RBM28: variants seen among roughly 807,000 people sequenced by gnomAD.
RBM28 encodes the protein RNA-binding protein 28.
RBM28 carries 78 observed loss-of-function variants against 98.3 expected under a neutral mutation model. The observed-to-expected ratio is 0.79, with a 90% CI of 0.66 to 0.96. The LOEUF (loss-of-function observed/expected upper bound fraction) is 0.96. Among genes scored for constraint, RBM28 ranks in the 40% least tolerant of loss-of-function variants. RBM28 has a pLI of 0.00. For synonymous variants in RBM28, 306 were observed against 330.9 expected, an observed-to-expected ratio of 0.92 and a Z score of 0.82; for missense variants, 838 against 913.0, an observed-to-expected ratio of 0.92 and a Z score of 1.06.
At chr7:128,336,230 C>G (rs984604214) in intron 6 of RBM28, among the ~76,000 whole-genome samples, 188 bp from the exon 7 acceptor site, 1 of 152,154 alleles carries the variant, frequency 6.6e-6, no homozygotes, top group Non-Finnish European at 1.5e-5. Context: ...AAACAAAACT[C>G]TCAACACCCA....
At position 128,298,527 on chromosome 7, in the gene RBM28, C is replaced by T. The variant is rs1341896861; in HGVS notation, c.*12270G>A. 1 of 151,920 alleles carries T rather than the reference C, an allele frequency of 6.6e-6. No homozygotes were observed. Among genetic ancestry groups the T allele is most frequent in the Non-Finnish European group, 1.5e-5 (1 of 68,002 alleles). The allele number at this position is 151,920 out of a possible 1,614,324, so 9.4% of individuals were successfully genotyped here. On this transcript the variant is annotated 3_prime_UTR_variant, in exon 19 of 19. Transcript: ENST00000223073. ...TATTTTTCAGATTCTCTTTACTGAGCATATATTATTTTTACAATCAGAAAA... is the reference window on the plus strand; with the variant it reads ...TATTTTTCAGATTCTCTTTACTGAGTATATATTATTTTTACAATCAGAAAA...
chr7:128,332,976 C>T (rs1295702085), intron 9 of RBM28, among the ~76,000 whole-genome samples: 2 of 152,222 alleles, frequency 1.3e-5, no homozygotes, highest in African/African-American at 4.8e-5. Flanking sequence ...TCAATCCTCT[C>T]CAGCACTCCC....
In RBM28 at chr7:128,300,272, A is replaced by C. The variant is rs1204417063; in HGVS notation, c.*10525T>G. 7 of 152,252 alleles carry C rather than the reference A, an allele frequency of 4.6e-5. No homozygotes were observed. The highest frequency in any genetic ancestry group is 1.0e-4 in the Non-Finnish European group (7 of 68,062). The allele number at this position is 152,252 out of a possible 1,614,324, so 9.4% of individuals were successfully genotyped here. A position where few individuals can be genotyped will look rare whatever the true frequency, so the allele number is the denominator to read the frequency against. On this transcript the variant is annotated 3_prime_UTR_variant, in exon 19 of 19. Transcript: ENST00000223073. ...AGGACCATGCAAGCTCCTTCCTGCC[A>C]GAGGCTCTGTTCTGGGTTCTACCTG...
In RBM28 at chr7:128,306,703, T is replaced by G. The variant is rs986006500; in HGVS notation, c.*4094A>C. 1 of 152,234 alleles carries G rather than the reference T, an allele frequency of 6.6e-6. No individual in the cohort carries two copies. Among genetic ancestry groups the G allele is most frequent in the Non-Finnish European group, 1.5e-5 (1 of 68,084 alleles). 9.4% of individuals were successfully genotyped at this position (152,234 alleles called of 1,614,324 possible). A position where few individuals can be genotyped will look rare whatever the true frequency, so the allele number is the denominator to read the frequency against. Reference sequence around the variant, plus strand: ...TTTGCCATCTATCAAGATGCTCCATTTAGGGGTGGTCCAAAAGGTCTTTCA... The same window carrying G: ...TTTGCCATCTATCAAGATGCTCCATGTAGGGGTGGTCCAAAAGGTCTTTCA... On this transcript the variant is annotated 3_prime_UTR_variant, in exon 19 of 19. Transcript: ENST00000223073.
At position 128,307,208 on chromosome 7, in the gene RBM28, T is replaced by A. The variant is rs564263948; in HGVS notation, c.*3589A>T. 6.6e-6 allele frequency: 1 copy of A among 152,356 alleles called. No individual in the cohort carries two copies. The highest frequency in any genetic ancestry group is 2.4e-5 in the African/African-American group (1 of 41,584). 9.4% of individuals were successfully genotyped at this position (152,356 alleles called of 1,614,324 possible). A position where few individuals can be genotyped will look rare whatever the true frequency, so the allele number is the denominator to read the frequency against. Reference sequence around the variant, plus strand: ...AAGTGCAGGAACTTTCAAAGTTGCATGGGCAGAGCTGCTTCTTATATGACA... The same window carrying A: ...AAGTGCAGGAACTTTCAAAGTTGCAAGGGCAGAGCTGCTTCTTATATGACA... On this transcript the variant is annotated 3_prime_UTR_variant, in exon 19 of 19. Transcript: ENST00000223073.
chr7:128,324,490 T>C (rs932571394), intron 12 of RBM28, 69 bp downstream of exon 12: 1 of 1,602,406 alleles, frequency 6.2e-7, no homozygotes, highest in Non-Finnish European at 8.6e-7. Flanking sequence ...CCAGGCATAC[T>C]ATTGCTTGAT....
In RBM28 at chr7:128,324,650, CA is replaced by C; in HGVS notation, c.1247del (p.Leu416TrpfsTer3). The C allele has an allele frequency of 1.9e-6, 3 of 1,614,198 alleles. No homozygotes were observed. Among genetic ancestry groups the C allele is most frequent in the Non-Finnish European group, 2.5e-6 (3 of 1,180,044 alleles). On this transcript the variant is annotated frameshift_variant, in exon 12 of 19. Transcript: ENST00000223073. LOFTEE classifies it high-confidence loss of function. ...TTGCAGCCTCATCACGGGTCACCGC[CA>C]AGTCAACCTTGAGCTGCCGGCCATC... ...KLDGRQLKVD[L>X]AVTRDEAAKL...
rs1795937029 is a variant in RBM28, at chr7:128,309,624, C to G, written c.*1173G>C. 7.3e-6 allele frequency: 1 copy of G among 137,508 alleles called. No individual in the cohort carries two copies. Among genetic ancestry groups the G allele is most frequent in the Non-Finnish European group, 1.5e-5 (1 of 65,180 alleles). The allele number at this position is 137,508 out of a possible 1,614,324, so 8.5% of individuals were successfully genotyped here. A position where few individuals can be genotyped will look rare whatever the true frequency, so the allele number is the denominator to read the frequency against. ...CTCCAGCCTGGGCGACAGAGTGAGA[C>G]TCCATCTCAAAAAAAAAAAAAAAAG... On this transcript the variant is annotated 3_prime_UTR_variant, in exon 19 of 19. Transcript: ENST00000223073.
chr7:128,317,856 T>C, intron 15 of RBM28, 101 bp downstream of exon 15: 1 of 1,564,774 alleles, frequency 6.4e-7, no homozygotes, highest in East Asian at 2.2e-5. Flanking sequence ...TGCCACTGTT[T>C]CCCACCCCTC....
rs779960876 is a variant in RBM28 at position 128,333,282 on chromosome 7, A to G, written c.1019+8T>C. ...CGCAAAAGCAATTCTGGAGGCAGAA[A>G]GACATACCTGATAAAAACAGTTTTC... On this transcript the variant is annotated splice_region_variant and intron_variant, in intron 9 of 18. Transcript: ENST00000223073. 21 of 1,577,204 alleles carry G rather than the reference A, an allele frequency of 1.3e-5. No individual in the cohort carries two copies. The highest frequency in any genetic ancestry group is 1.7e-5 in the Non-Finnish European group (19 of 1,146,590).
chr7:128,335,715 T>C, intron 7 of RBM28, 36 bp from the exon 8 acceptor site: 1 of 1,614,056 alleles, frequency 6.2e-7, no homozygotes, highest in South Asian at 1.1e-5. Flanking sequence ...GGAGGTGGGC[T>C]GACAGAGGGC....
intron 8 of RBM28, among the ~76,000 whole-genome samples, chr7:128,334,346 CTA>C (rs758009526): frequency 2.0e-5 from 3 of 152,150 alleles, no homozygotes; most frequent in African/African-American, 7.2e-5. Context: ...TTTATCTGTC[CTA>C]TAAGTTTTTT....
At chr7:128,334,902 T>C (rs1796563974) in intron 8 of RBM28, among the ~76,000 whole-genome samples, 1 of 152,134 alleles carries the variant, frequency 6.6e-6, no homozygotes, top group African/African-American at 2.4e-5. Context: ...CACTGTTACT[T>C]GTTCTCTCTC....
intron 10 of RBM28, among the ~76,000 whole-genome samples, chr7:128,326,501 A>G (rs1014679698): frequency 6.6e-6 from 1 of 152,120 alleles, no homozygotes; most frequent in East Asian, 1.9e-4. Context: ...TATACTTACC[A>G]TTATGTTACA....
Position 128,339,285 on chromosome 7 carries a change from T to C in RBM28, c.314A>G (p.Lys105Arg), listed in dbSNP as rs139732228. ...TTTCTTATCTGCCACTTTGGCTTTT[T>C]TAGCCTTCGGCTCCTTCTTTGGGCA... is the stretch of plus-strand genomic sequence containing the variant. Reference protein sequence around the residue: ...SECPKKEPKAKKAKVADKKAR... With the variant: ...SECPKKEPKARKAKVADKKAR... The change falls in exon 3 of 19, where the codon AAA becomes AGA. Residue 105 changes from lysine to arginine, a missense_variant. Physicochemically the swap from Lys to Arg is conservative, Grantham distance 26 (BLOSUM62 2). Coordinates refer to ENST00000223073, the MANE Select transcript of RBM28 (RefSeq NM_018077.3). The C allele has an allele frequency of 1.9e-6, 3 of 1,613,798 alleles. No individual in the cohort carries two copies. In the African/African-American group the frequency reaches 4.0e-5, roughly 21 times the overall value.
At chr7:128,323,433 G>A in intron 13 of RBM28, 94 bp downstream of exon 13, 1 of 1,422,006 alleles carries the variant, frequency 7.0e-7, no homozygotes, top group South Asian at 1.1e-5. Flanking sequence ...TGACCATACT[G>A]GGCTCTTTGA....
intron 1 of RBM28, among the ~76,000 whole-genome samples, chr7:128,342,398 A>G (rs141831799): frequency 1.3e-5 from 2 of 152,196 alleles, no homozygotes; most frequent in Non-Finnish European, 2.9e-5. Context: ...GTGGCTTCCT[A>G]TCTCTGAGTA....
intron 10 of RBM28, among the ~76,000 whole-genome samples, chr7:128,330,276 A>C (rs1197370855): frequency 6.6e-6 from 1 of 152,082 alleles, no homozygotes; most frequent in Non-Finnish European, 1.5e-5. Flanking sequence ...TAAAGTAAAT[A>C]AGCAAGGGAT....
At position 128,323,539 on chromosome 7, in the gene RBM28, G is replaced by T. The variant is rs1389275908; in HGVS notation, c.1392C>A (p.Ala464=). The change falls in exon 13 of 19, where the codon GCC becomes GCA. Residue 464 remains alanine (A), a synonymous_variant. Transcript: ENST00000223073. The part of the protein sequence containing the change: ...AAEGVSAADM[A]KRERFELLKH... ...CTAATCTACTCACCCGTTCTCTTTT[G>T]GCCATATCAGCAGCACTCACACCCT... The T allele has an allele frequency of 1.2e-6, 2 of 1,614,074 alleles. No individual in the cohort carries two copies. The highest frequency in any genetic ancestry group is 2.2e-5 in the South Asian group (2 of 91,094).
Sources: gnomAD v4.1 joint callset for allele counts (sites outside exome capture counted in the v4.1 genomes callset) on GRCh38, gnomAD v4.1.1 for gene constraint, MANE v1.5 for transcripts, NCBI Gene and HGNC (gene_info 2026-07-23, HGNC 2026-07-21) for gene names.